Variants in OLFM3 observed in about 807,000 individuals in gnomAD.
OLFM3 encodes the protein noelin-3.
A neutral mutation model predicts 48.6 loss-of-function variants in OLFM3; 20 were observed. The observed-to-expected ratio is 0.41, with a 90% confidence interval of 0.29 to 0.60. The LOEUF is 0.60. Ranked by LOEUF, OLFM3 falls within the 20% of genes least tolerant of loss-of-function variation. OLFM3 has a pLI of 0.28. For synonymous variants in OLFM3, 222 were observed against 198.1 expected (o/e 1.12, Z -1.01); for missense variants, 437 against 544.3 (o/e 0.80, Z 1.96).
chr1:101,889,042 T>A (rs865978550), intron 1 of OLFM3, among the ~76,000 whole-genome samples: 1 of 152,094 alleles, frequency 6.6e-6, no homozygotes, highest in Non-Finnish European at 1.5e-5. Flanking sequence ...GAACACTTTT[T>A]CACTGTTGGT....
At chr1:101,994,673 A>G (rs956262294) in intron 1 of OLFM3, among the ~76,000 whole-genome samples, 3 of 151,062 alleles carry the variant, frequency 2.0e-5, no homozygotes, top group Non-Finnish European at 3.0e-5. Flanking sequence ...TTTGTCTAAA[A>G]GTCCTAAAAC....
At chr1:101,873,563 G>T (rs372477834) in intron 1 of OLFM3, among the ~76,000 whole-genome samples, 3 of 151,804 alleles carry the variant, frequency 2.0e-5, no homozygotes, top group Non-Finnish European at 4.4e-5. Flanking sequence ...GGGCCCAGGT[G>T]GGGGGTGCAA....
intron 1 of OLFM3, among the ~76,000 whole-genome samples, chr1:101,988,630 C>T (rs997113059): frequency 1.3e-5 from 2 of 151,962 alleles, no homozygotes; most frequent in Non-Finnish European, 2.9e-5. Flanking sequence ...TGTTCCTTGA[C>T]TTATGTATTC....
intron 1 of OLFM3, among the ~76,000 whole-genome samples, chr1:101,931,432 A>G (rs1327869605): frequency 6.6e-6 from 1 of 152,200 alleles, no homozygotes; most frequent in Non-Finnish European, 1.5e-5. Flanking sequence ...CCCATGGTAT[A>G]GCTGCTGAGG....
chr1:101,867,306 C>T (rs1410121008), intron 1 of OLFM3, among the ~76,000 whole-genome samples: 3 of 152,144 alleles, frequency 2.0e-5, no homozygotes, highest in African/African-American at 4.8e-5. Context: ...AAGCATTTTG[C>T]TATAAGAACC....
intron 2 of OLFM3, among the ~76,000 whole-genome samples, chr1:101,834,555 T>C (rs1337346491): frequency 1.3e-5 from 2 of 152,192 alleles, no homozygotes; most frequent in Non-Finnish European, 2.9e-5. Flanking sequence ...TACTGTGATA[T>C]CTCAGACATC....
chr1:101,814,900 G>A (rs998639015), intron 4 of OLFM3, among the ~76,000 whole-genome samples: 12 of 152,220 alleles, frequency 7.9e-5, no homozygotes, highest in East Asian at 7.7e-4. Flanking sequence ...GCCTTAATAC[G>A]CTTGATGAAT....
chr1:101,833,710 TCTCA>T (rs1227909299), intron 2 of OLFM3, among the ~76,000 whole-genome samples: 1 of 152,106 alleles, frequency 6.6e-6, no homozygotes, highest in African/African-American at 2.4e-5. Context: ...TGATTTTCAC[TCTCA>T]CTCATAATTA....
At chr1:101,897,394 G>T (rs140788837) in intron 1 of OLFM3, among the ~76,000 whole-genome samples, 1 of 152,076 alleles carries the variant, frequency 6.6e-6, no homozygotes, top group African/African-American at 2.4e-5. Context: ...TTTGTAAAAT[G>T]GTTAAGTTTT....
At chr1:101,856,955 A>C (rs1363204606) in intron 1 of OLFM3, among the ~76,000 whole-genome samples, 1 of 152,032 alleles carries the variant, frequency 6.6e-6, no homozygotes, top group Non-Finnish European at 1.5e-5. Flanking sequence ...GAAAGACCAC[A>C]GTGGAAAAGA....
chr1:101,932,518 C>T (rs534902582), intron 1 of OLFM3, among the ~76,000 whole-genome samples: 2 of 152,188 alleles, frequency 1.3e-5, no homozygotes, highest in Non-Finnish European at 2.9e-5. Context: ...CACTGGGACT[C>T]ATTCCTAAAC....
At chr1:101,960,772 G>A (rs1486956320) in intron 1 of OLFM3, among the ~76,000 whole-genome samples, 3 of 152,122 alleles carry the variant, frequency 2.0e-5, no homozygotes, top group Non-Finnish European at 4.4e-5. Context: ...AAGGATTAGA[G>A]TTAACTAGAA....
At chr1:101,952,130 A>T (rs1199725244) in intron 1 of OLFM3, among the ~76,000 whole-genome samples, 1 of 152,102 alleles carries the variant, frequency 6.6e-6, no homozygotes, top group African/African-American at 2.4e-5. Context: ...TTACCACCAT[A>T]AACAACTGAT....
chr1:101,974,034 C>T (rs145783795), intron 1 of OLFM3, among the ~76,000 whole-genome samples: 39 of 150,874 alleles, frequency 2.6e-4, no homozygotes, highest in African/African-American at 9.2e-4. Flanking sequence ...TGATTAGCTT[C>T]AAGACCCCAT....
chr1:101,977,408 C>T (rs896439953), intron 1 of OLFM3, among the ~76,000 whole-genome samples: 1 of 152,084 alleles, frequency 6.6e-6, no homozygotes, highest in Non-Finnish European at 1.5e-5. Flanking sequence ...TACCAAATGG[C>T]TCATGAGTAC....
chr1:101,958,758 T>C (rs1039372749), intron 1 of OLFM3, among the ~76,000 whole-genome samples: 1 of 151,514 alleles, frequency 6.6e-6, no homozygotes, highest in Non-Finnish European at 1.5e-5. Context: ...GTCTCTTAAA[T>C]GACTTTATTT....
intron 1 of OLFM3, among the ~76,000 whole-genome samples, chr1:101,971,118 C>T (rs1391438503): frequency 2.0e-5 from 3 of 152,154 alleles, no homozygotes; most frequent in South Asian, 2.1e-4. Context: ...AGATTACGCT[C>T]ACAGCAGTGC....
At chr1:101,849,234 A>T (rs1435118348) in intron 1 of OLFM3, among the ~76,000 whole-genome samples, 3 of 152,236 alleles carry the variant, frequency 2.0e-5, no homozygotes, top group Non-Finnish European at 4.4e-5. Context: ...ATTTGCAAAG[A>T]GCTAAATAGT....
Position 101,869,965 on chromosome 1 carries a change from T to C in OLFM3, c.70-32940A>G, listed in dbSNP as rs189203145. On this transcript the variant is annotated intron_variant, in intron 1 of 5. Coordinates refer to ENST00000370103, the MANE Select transcript of OLFM3 (RefSeq NM_058170.4). ...TAAATTACCCAGTCTCGAGCAGTTC[T>C]TTATGGCAGCATGAGAACAGACTAA... Among the ~76,000 whole-genome samples, 4 of 152,312 alleles carry C rather than the reference T, an allele frequency of 2.6e-5. No homozygotes were observed. The East Asian group carries it at 7.7e-4, about 29-fold the overall frequency.
Sources: allele counts gnomAD v4.1 joint callset (sites outside exome capture counted in the v4.1 genomes callset), GRCh38; gene constraint gnomAD v4.1.1; transcripts MANE v1.5; gene names NCBI Gene and HGNC (gene_info 2026-07-23, HGNC 2026-07-21).